SGCZ: variants seen among roughly 807,000 people sequenced by gnomAD.
SGCZ encodes the protein zeta-sarcoglycan.
In SGCZ, 40 loss-of-function variants were observed where a neutral mutation model predicts 41.3. The observed-to-expected ratio is 0.97, with a 90% CI of 0.75 to 1.26. SGCZ has a LOEUF of 1.26. SGCZ is among the 50% of genes most tolerant of loss of function. The probability of loss-of-function intolerance (pLI) is 0.00; values close to 1 mark genes in which losing one functional copy is unlikely to be tolerated. For synonymous variants in SGCZ, 206 were observed against 137.5 expected, an observed-to-expected ratio of 1.50 and a Z score of -3.49; for missense variants, 552 against 369.8, an observed-to-expected ratio of 1.49 and a Z score of -4.04.
At chr8:15,014,478 G>A (rs372993402) in intron 1 of SGCZ, among the ~76,000 whole-genome samples, 2 of 152,324 alleles carry the variant, frequency 1.3e-5, no homozygotes, top group East Asian at 3.9e-4. Context: ...CTAACAAAGA[G>A]TTACTTTATA....
intron 2 of SGCZ, among the ~76,000 whole-genome samples, chr8:14,446,153 C>T (rs75474223): frequency 0.019 from 2,868 of 152,226 alleles, 92 homozygotes; most frequent in African/African-American, 0.065. Flanking sequence ...GGCATATATA[C>T]CACCAGCTCC....
chr8:15,216,246 G>C (rs527993110), intron 1 of SGCZ, among the ~76,000 whole-genome samples: 1 of 143,026 alleles, frequency 7.0e-6, no homozygotes, highest in Non-Finnish European at 1.5e-5. Context: ...TTTTGAGACG[G>C]TGTTGCTCTG....
At chr8:14,390,052 T>G (rs1804714441) in intron 2 of SGCZ, among the ~76,000 whole-genome samples, 1 of 152,014 alleles carries the variant, frequency 6.6e-6, no homozygotes, top group Non-Finnish European at 1.5e-5. Flanking sequence ...TATCCGTTTG[T>G]AGAACTTTAA....
In SGCZ at chr8:14,285,721, C is replaced by G. The variant is rs375853399; in HGVS notation, c.336+38382G>C. Among the ~76,000 whole-genome samples the G allele has an allele frequency of 2.0e-4, 30 of 152,122 alleles. No homozygotes were observed. In the South Asian group the frequency reaches 6.0e-3, roughly 31 times the overall value. On this transcript the variant is annotated intron_variant, in intron 3 of 7. Coordinates refer to ENST00000382080, the MANE Select transcript of SGCZ (RefSeq NM_139167.4). ...TACAGAAACCAGGGGAAAGTGGTTTCTATGTCTCCACACTTAATACTTTGA... is the reference window on the plus strand; with the variant it reads ...TACAGAAACCAGGGGAAAGTGGTTTGTATGTCTCCACACTTAATACTTTGA...
intron 3 of SGCZ, among the ~76,000 whole-genome samples, chr8:14,238,803 G>T (rs115022333): frequency 8.0e-4 from 122 of 152,098 alleles, no homozygotes; most frequent in African/African-American, 2.7e-3. Context: ...CTTGGTGCTT[G>T]CATTGTGGAT....
At chr8:14,229,650 TAAA>T (rs10539330) in intron 4 of SGCZ, among the ~76,000 whole-genome samples, 154 of 150,290 alleles carry the variant, frequency 1.0e-3, no homozygotes, top group Middle Eastern at 3.4e-3. Flanking sequence ...TTCTCTAAGT[TAAA>T]AAAAAAAAAA....
In SGCZ at chr8:14,523,893, C is replaced by T. The variant is rs114879225; in HGVS notation, c.234+30839G>A. ...ATTTTTTCCCTACTCTGTTTTCTTT[C>T]TATTGCTCAGATTAGGTAATTTCTG... On this transcript the variant is annotated intron_variant, in intron 2 of 7. Coordinates refer to ENST00000382080, the MANE Select transcript of SGCZ (RefSeq NM_139167.4). 9.0e-3 allele frequency among the ~76,000 whole-genome samples: 1,362 copies of T among 152,066 alleles called. 24 individuals carry two copies. Among genetic ancestry groups the T allele is most frequent in the African/African-American group, 0.032 (1,308 of 41,520 alleles).
chr8:14,647,228 G>C (rs1238873421), intron 1 of SGCZ, among the ~76,000 whole-genome samples: 1 of 151,970 alleles, frequency 6.6e-6, no homozygotes, highest in Non-Finnish European at 1.5e-5. Context: ...ACAGAAAAAT[G>C]AGACCACACT....
chr8:14,401,053 G>T (rs901522368), intron 2 of SGCZ, among the ~76,000 whole-genome samples: 1 of 152,074 alleles, frequency 6.6e-6, no homozygotes, highest in African/African-American at 2.4e-5. Context: ...CACCCTGTAC[G>T]CTGACCTCCC....
At chr8:14,976,840 T>C (rs1801494520) in intron 1 of SGCZ, among the ~76,000 whole-genome samples, 1 of 152,198 alleles carries the variant, frequency 6.6e-6, no homozygotes, top group African/African-American at 2.4e-5. Flanking sequence ...CAAAAAAGTG[T>C]AGATAGGCCA....
chr8:14,947,235 C>T (rs2046097), intron 1 of SGCZ, among the ~76,000 whole-genome samples: 27,908 of 152,048 alleles, frequency 0.18, 3,140 homozygotes, highest in East Asian at 0.31. Context: ...CGAAATATCC[C>T]GGAAGTATTT....
intron 1 of SGCZ, among the ~76,000 whole-genome samples, chr8:15,147,369 C>T (rs192539596): frequency 4.0e-4 from 61 of 152,286 alleles, no homozygotes; most frequent in African/African-American, 1.5e-3. Flanking sequence ...ACCTCCGCCT[C>T]CCGGGTTCAA....
chr8:14,860,708 G>GAGAAAGAAAGAAAGAAAGAAAGAAAGAA lies in SGCZ; in HGVS notation c.40-305810_40-305783dup, dbSNP rs10532441. 1.1e-3 allele frequency among the ~76,000 whole-genome samples: 146 copies of GAGAAAGAAAGAAAGAAAGAAAGAAAGAA among 132,738 alleles called. 1 individual carries two copies. Among genetic ancestry groups the GAGAAAGAAAGAAAGAAAGAAAGAAAGAA allele is most frequent in the African/African-American group, 3.8e-3 (123 of 32,636 alleles). The allele number at this position is 132,738 out of a possible 152,430, so 87.1% of individuals were successfully genotyped here. A position where few individuals can be genotyped will look rare whatever the true frequency, so the allele number is the denominator to read the frequency against. ...AGAAAGAAAGAAGGAAAGAAAGAAAGAGAAAGAAAGAAAGAAAGAAAGAAA... is the reference window on the plus strand; with the variant it reads ...AGAAAGAAAGAAGGAAAGAAAGAAAGAGAAAGAAAGAAAGAAAGAAAGAAAGAAAGAAAGAAAGAAAGAAAGAAAGAAA... On this transcript the variant is annotated intron_variant, in intron 1 of 7. Transcript: ENST00000382080.
intron 7 of SGCZ, among the ~76,000 whole-genome samples, chr8:14,096,106 T>C (rs1057458344): frequency 3.2e-4 from 49 of 152,046 alleles, no homozygotes; most frequent in African/African-American, 1.2e-3. Flanking sequence ...TCTTTCTTTT[T>C]CCTGACTGCC....
chr8:14,472,595 G>A (rs1224924324), intron 2 of SGCZ, among the ~76,000 whole-genome samples: 1 of 152,082 alleles, frequency 6.6e-6, no homozygotes, highest in East Asian at 1.9e-4. Flanking sequence ...CAATATTGAT[G>A]TTTAAGCGTG....
At position 14,200,522 on chromosome 8, in the gene SGCZ, G is replaced by A. The variant is rs575605586; in HGVS notation, c.425-35820C>T. 3.3e-5 allele frequency among the ~76,000 whole-genome samples: 5 copies of A among 152,212 alleles called. No homozygotes were observed. In the South Asian group the frequency reaches 1.0e-3, roughly 32 times the overall value. On this transcript the variant is annotated intron_variant, in intron 4 of 7. Transcript: ENST00000382080. ...ACTGACCAATCGACCAATAGGATAA[G>A]GTAGAGAGCCCAGTATGAGACCTGA...
At chr8:14,303,597 C>T (rs1350605158) in intron 3 of SGCZ, among the ~76,000 whole-genome samples, 1 of 152,094 alleles carries the variant, frequency 6.6e-6, no homozygotes, top group Non-Finnish European at 1.5e-5. Context: ...CAAAATATTA[C>T]AACCGAATGA....
At chr8:15,084,844 A>C (rs144823372) in intron 1 of SGCZ, among the ~76,000 whole-genome samples, 18 of 152,256 alleles carry the variant, frequency 1.2e-4, no homozygotes, top group South Asian at 2.1e-4. Flanking sequence ...CATATATGTG[A>C]GTTTCACTTA....
chr8:14,338,945 C>A (rs1390152518), intron 2 of SGCZ, among the ~76,000 whole-genome samples: 1 of 152,130 alleles, frequency 6.6e-6, no homozygotes, highest in Non-Finnish European at 1.5e-5. Flanking sequence ...TGGACAAGTG[C>A]ACAGACATTG....
Sources: gnomAD v4.1 joint callset for allele counts (sites outside exome capture counted in the v4.1 genomes callset) on GRCh38, gnomAD v4.1.1 for gene constraint, MANE v1.5 for transcripts, NCBI Gene and HGNC (gene_info 2026-07-23, HGNC 2026-07-21) for gene names.